ZNF804A: variants seen among roughly 807,000 people sequenced by gnomAD.
The protein encoded by ZNF804A is zinc finger protein 804A.
A neutral mutation model predicts 16.5 loss-of-function variants in ZNF804A; 2 were observed. The observed-to-expected ratio is 0.12, with a 90% CI of 0.05 to 0.38. The LOEUF (loss-of-function observed/expected upper bound fraction) is 0.38, where lower values mean the gene tolerates loss of function less well. Among genes scored for constraint, ZNF804A ranks in the 10% least tolerant of loss-of-function variants. The pLI is 0.99. For synonymous variants in ZNF804A, 534 were observed against 489.6 expected (o/e 1.09, Z -1.20); for missense variants, 1,473 against 1,390.7 (o/e 1.06, Z -0.94).
intron 1 of ZNF804A, among the ~76,000 whole-genome samples, chr2:184,704,998 C>T (rs57372153): frequency 0.012 from 1,800 of 152,262 alleles, 39 homozygotes; most frequent in African/African-American, 0.042. Flanking sequence ...TAAACATTCA[C>T]ACCATAAGTT....
In ZNF804A at chr2:184,937,945, G is replaced by C. The variant is rs1685821020; in HGVS notation, c.2549G>C (p.Ser850Thr). Residue 850 changes from serine to threonine, a missense_variant, in exon 4 of 4, where the codon AGT becomes ACT. By Grantham distance (58) the Ser-to-Thr change is moderately conservative (BLOSUM62 1). Coordinates refer to ENST00000302277, the MANE Select transcript of ZNF804A (RefSeq NM_194250.2). ...SSLNPLDRLISEDKKEKMKPQ... is the reference protein window; with the variant it reads ...SSLNPLDRLITEDKKEKMKPQ... ...TTAAATCCTCTGGATAGGTTAATAA[G>C]TGAAGACAAAAAAGAGAAAATGAAA... 6.2e-7 allele frequency: 1 copy of C among 1,613,822 alleles called. No homozygotes were observed. Among genetic ancestry groups the C allele is most frequent in the Non-Finnish European group, 8.5e-7 (1 of 1,179,960 alleles).
At chr2:184,805,137 T>A (rs1694783061) in intron 1 of ZNF804A, among the ~76,000 whole-genome samples, 1 of 152,172 alleles carries the variant, frequency 6.6e-6, no homozygotes, top group Non-Finnish European at 1.5e-5. Context: ...CATAAAAGCT[T>A]AAGTTCCTTG....
intron 1 of ZNF804A, among the ~76,000 whole-genome samples, chr2:184,609,089 G>A (rs1378446948): frequency 6.6e-6 from 1 of 152,208 alleles, no homozygotes. Context: ...TGTCAGAAAA[G>A]AGGATGTAAC....
intron 1 of ZNF804A, among the ~76,000 whole-genome samples, chr2:184,609,320 A>G (rs992342566): frequency 1.3e-5 from 2 of 152,176 alleles, no homozygotes; most frequent in African/African-American, 4.8e-5. Flanking sequence ...CTGCTGTGAC[A>G]CTGAATTATG....
intron 1 of ZNF804A, among the ~76,000 whole-genome samples, chr2:184,657,921 GAAC>G (rs1275886382): frequency 1.3e-5 from 2 of 152,306 alleles, no homozygotes; most frequent in South Asian, 2.1e-4. Flanking sequence ...GAAAGCAATG[GAAC>G]AACAAGGAGC....
At chr2:184,735,772 T>C (rs1389784206) in intron 1 of ZNF804A, among the ~76,000 whole-genome samples, 2 of 152,172 alleles carry the variant, frequency 1.3e-5, no homozygotes, top group East Asian at 1.9e-4. Context: ...TGCTGATTCA[T>C]AGTTTTTATT....
At chr2:184,646,694 A>G (rs371649141) in intron 1 of ZNF804A, among the ~76,000 whole-genome samples, 61 of 152,328 alleles carry the variant, frequency 4.0e-4, no homozygotes, top group Non-Finnish European at 8.2e-4. Context: ...TATCTGGAGA[A>G]TATACTCTCC....
chr2:184,842,370 G>T (rs7595896), intron 1 of ZNF804A, among the ~76,000 whole-genome samples: 1 of 152,106 alleles, frequency 6.6e-6, no homozygotes, highest in Non-Finnish European at 1.5e-5. Flanking sequence ...AGCATCTGGG[G>T]AACCCCTGTG....
rs532277865 is a variant in ZNF804A at position 184,659,170 on chromosome 2, A to G, written c.111+60100A>G. On this transcript the variant is annotated intron_variant, in intron 1 of 3. Coordinates refer to ENST00000302277, the MANE Select transcript of ZNF804A (RefSeq NM_194250.2). The stretch of plus-strand genomic sequence containing the variant: ...GGTTCGTCTTGAGTTTGAAACAGGC[A>G]AAAAATAAGGAAATTGACAGTCACT... Among the ~76,000 whole-genome samples, 5 of 152,300 alleles carry G rather than the reference A, an allele frequency of 3.3e-5. No individual in the cohort carries two copies. The East Asian group carries it at 9.7e-4, about 29-fold the overall frequency.
At chr2:184,895,293 C>A (rs1685047761) in intron 2 of ZNF804A, among the ~76,000 whole-genome samples, 1 of 151,580 alleles carries the variant, frequency 6.6e-6, no homozygotes, top group African/African-American at 2.4e-5. Context: ...TTTTTTATTT[C>A]TATGTATTTT....
intron 2 of ZNF804A, among the ~76,000 whole-genome samples, chr2:184,909,919 G>A (rs1395756045): frequency 1.3e-5 from 2 of 151,876 alleles, no homozygotes; most frequent in African/African-American, 4.8e-5. Context: ...AACAAAAGAG[G>A]AATAAAACAA....
At chr2:184,620,234 A>G (rs1049216811) in intron 1 of ZNF804A, among the ~76,000 whole-genome samples, 3 of 151,818 alleles carry the variant, frequency 2.0e-5, no homozygotes, top group African/African-American at 4.8e-5. Context: ...ATTGCGTTAT[A>G]ATTCTTTAAC....
intron 1 of ZNF804A, among the ~76,000 whole-genome samples, chr2:184,768,208 G>T (rs902780287): frequency 1.3e-5 from 2 of 152,044 alleles, no homozygotes; most frequent in Non-Finnish European, 2.9e-5. Context: ...GTAATCTACA[G>T]ATACTGAAAG....
intron 1 of ZNF804A, among the ~76,000 whole-genome samples, chr2:184,651,322 C>A: frequency 6.6e-6 from 1 of 152,016 alleles, no homozygotes; most frequent in East Asian, 1.9e-4. Context: ...AATGTAAGAC[C>A]TCAAATTTTA....
chr2:184,653,414 C>T (rs937485714), intron 1 of ZNF804A, among the ~76,000 whole-genome samples: 3 of 152,054 alleles, frequency 2.0e-5, no homozygotes, highest in Non-Finnish European at 4.4e-5. Flanking sequence ...CATCAGTTCT[C>T]GCCTCCTCAG....
intron 1 of ZNF804A, among the ~76,000 whole-genome samples, chr2:184,689,331 A>C (rs1480515109): frequency 6.6e-6 from 1 of 152,116 alleles, no homozygotes; most frequent in East Asian, 1.9e-4. Context: ...AATTGCTCAC[A>C]ATAAAAGAAA....
intron 2 of ZNF804A, among the ~76,000 whole-genome samples, chr2:184,885,379 C>T (rs1218612182): frequency 6.6e-6 from 1 of 152,112 alleles, no homozygotes; most frequent in Non-Finnish European, 1.5e-5. Context: ...CTATAAACGA[C>T]ACACATGCTT....
chr2:184,913,307 T>C (rs1441172944), intron 2 of ZNF804A, among the ~76,000 whole-genome samples: 3 of 152,148 alleles, frequency 2.0e-5, no homozygotes, highest in Non-Finnish European at 4.4e-5. Context: ...AGAGTTAAAA[T>C]ACAATTATAC....
chr2:184,866,649 A>G, intron 2 of ZNF804A, 137 bp downstream of exon 2: 1 of 697,830 alleles, frequency 1.4e-6, no homozygotes, highest in Non-Finnish European at 2.1e-6. Flanking sequence ...TCATTCTGGG[A>G]TGATAATTTG....
Sources: allele counts gnomAD v4.1 joint callset (sites outside exome capture counted in the v4.1 genomes callset), GRCh38; gene constraint gnomAD v4.1.1; transcripts MANE v1.5; gene names NCBI Gene and HGNC (gene_info 2026-07-23, HGNC 2026-07-21).